RP1: variants seen among roughly 807,000 people sequenced by gnomAD.
The protein encoded by RP1 is oxygen-regulated protein 1.
RP1 carries 16 observed loss-of-function variants against 14.8 expected under a neutral mutation model. That is an observed-to-expected ratio of 1.08 (90% CI 0.73 to 1.65). The LOEUF is 1.65. RP1 is among the 40% of genes most tolerant of loss of function. The pLI is 0.00. For synonymous variants in RP1, 876 were observed against 883.6 expected (o/e 0.99, Z 0.15); for missense variants, 2,631 against 2,535.0 (o/e 1.04, Z -0.81).
chr8:54,591,954 C>T (rs1322499677), intron 1 of RP1, among the ~76,000 whole-genome samples: 1 of 152,192 alleles, frequency 6.6e-6, no homozygotes, highest in Non-Finnish European at 1.5e-5. Flanking sequence ...CACAATGTCC[C>T]TTCTGCCTCA....
chr8:54,687,980 C>T (rs923187359), intron 12 of RP1, among the ~76,000 whole-genome samples: 25 of 152,162 alleles, frequency 1.6e-4, no homozygotes, highest in African/African-American at 6.0e-4. Flanking sequence ...TCTGTTGTTT[C>T]CTGACATTTT....
At chr8:54,582,805 GT>G (rs1804827809) in intron 1 of RP1, among the ~76,000 whole-genome samples, 1 of 152,126 alleles carries the variant, frequency 6.6e-6, no homozygotes, top group Non-Finnish European at 1.5e-5. Context: ...CTCTCTGTCT[GT>G]TATTGGTGTA....
chr8:54,805,730 TG>T (rs1229047694), intron 24 of RP1, among the ~76,000 whole-genome samples: 6 of 151,602 alleles, frequency 4.0e-5, no homozygotes, highest in Admixed American at 2.0e-4. Context: ...TTTTTTTTTT[TG>T]TCATTTTCTG....
At chr8:54,681,525 T>C (rs1049370693) in intron 12 of RP1, among the ~76,000 whole-genome samples, 1 of 146,516 alleles carries the variant, frequency 6.8e-6, no homozygotes, top group Non-Finnish European at 1.5e-5. Flanking sequence ...TGTGTGTGTA[T>C]GTATATATGT....
At chr8:54,581,865 T>G (rs1279608582) in intron 1 of RP1, among the ~76,000 whole-genome samples, 9 of 152,236 alleles carry the variant, frequency 5.9e-5, no homozygotes, top group Admixed American at 5.9e-4. Flanking sequence ...TTTTTTCTTG[T>G]ACATTTGTTT....
chr8:54,697,267 G>A (rs763338381), intron 12 of RP1: 7 of 580,618 alleles, frequency 1.2e-5, no homozygotes, highest in Non-Finnish European at 2.2e-5. Context: ...AAAAAAGACA[G>A]TACCTGGCCG....
downstream of RP1, among the ~76,000 whole-genome samples, chr8:54,633,200 A>C (rs1292701694): frequency 6.6e-6 from 1 of 152,096 alleles, no homozygotes; most frequent in African/African-American, 2.4e-5. Flanking sequence ...TAAATATACT[A>C]TTAGTATATT....
At chr8:54,830,152 A>G (rs978240936) in intron 24 of RP1, among the ~76,000 whole-genome samples, 18 of 152,142 alleles carry the variant, frequency 1.2e-4, no homozygotes, top group African/African-American at 4.1e-4. Flanking sequence ...ATGATTGCGT[A>G]TTAGTCTATC....
At chr8:54,826,425 G>T (rs1439424247) in intron 24 of RP1, among the ~76,000 whole-genome samples, 1 of 152,148 alleles carries the variant, frequency 6.6e-6, no homozygotes, top group Non-Finnish European at 1.5e-5. Context: ...ATGCATAATT[G>T]AAATTGTTAG....
intron 25 of RP1, among the ~76,000 whole-genome samples, chr8:54,842,372 C>T (rs1374359441): frequency 2.0e-5 from 3 of 152,284 alleles, no homozygotes; most frequent in African/African-American, 7.2e-5. Context: ...CCATCGAAAC[C>T]AGCACTCTTT....
intron 1 of RP1, 94 bp from the exon 2 acceptor site, chr8:54,620,861 C>G: frequency 8.4e-7 from 1 of 1,196,028 alleles, no homozygotes; most frequent in South Asian, 1.2e-5. Context: ...CTGTGAATAT[C>G]CTGGATGTCT....
At chr8:54,726,865 TA>T (rs988948227) in intron 17 of RP1, among the ~76,000 whole-genome samples, 22 of 151,044 alleles carry the variant, frequency 1.5e-4, no homozygotes, top group African/African-American at 4.9e-4. Context: ...AACTGAAGCT[TA>T]AAAAAAAGTG....
At chr8:54,604,286 T>C (rs529404010) in intron 1 of RP1, among the ~76,000 whole-genome samples, 3 of 152,228 alleles carry the variant, frequency 2.0e-5, no homozygotes, top group Admixed American at 2.0e-4. Context: ...TCTGCATCTA[T>C]TGAGATAATC....
rs752111262 is a variant in RP1, at chr8:54,625,202, C to T, written c.1320C>T (p.Asp440=). The part of the protein sequence containing the change: ...VDTDIIQGTQ[D]QAKHRFYRPP... Reference sequence around the variant, plus strand: ...CAGATATCATCCAGGGAACTCAAGACCAAGCAAAGCATCGTTTTTATAGGC... The same window carrying T: ...CAGATATCATCCAGGGAACTCAAGATCAAGCAAAGCATCGTTTTTATAGGC... Residue 440 remains aspartate, a synonymous_variant, in exon 4 of 4, where the codon GAC becomes GAT. Coordinates refer to ENST00000220676, the MANE Select transcript of RP1 (RefSeq NM_006269.2). The T allele has an allele frequency of 6.8e-6, 11 of 1,614,082 alleles. No homozygotes were observed. In the South Asian group the frequency reaches 9.9e-5, roughly 15 times the overall value.
chr8:54,817,548 A>G (rs1247881087), intron 24 of RP1, among the ~76,000 whole-genome samples: 1 of 152,180 alleles, frequency 6.6e-6, no homozygotes, highest in East Asian at 1.9e-4. Context: ...GAGTCAGAGT[A>G]ATGGTGGCGA....
intron 12 of RP1, among the ~76,000 whole-genome samples, chr8:54,690,778 G>C (rs543998121): frequency 1.3e-5 from 2 of 152,052 alleles, no homozygotes; most frequent in South Asian, 2.1e-4. Flanking sequence ...TCAGAATCTC[G>C]CAAGAGATCT....
At chr8:54,572,275 C>T (rs2129293496) in intron 1 of RP1, among the ~76,000 whole-genome samples, 1 of 152,368 alleles carries the variant, frequency 6.6e-6, no homozygotes, top group Middle Eastern at 3.4e-3. Flanking sequence ...TGACCGGCAT[C>T]AGGCCCACTT....
chr8:54,607,848 G>A (rs57882104), intron 1 of RP1, among the ~76,000 whole-genome samples: 3,382 of 152,260 alleles, frequency 0.022, 120 homozygotes, highest in African/African-American at 0.073. Flanking sequence ...TGAGCCATGC[G>A]TGGGATATAA....
At chr8:54,757,328 A>T (rs569659880) in intron 21 of RP1, among the ~76,000 whole-genome samples, 2 of 152,368 alleles carry the variant, frequency 1.3e-5, no homozygotes, top group East Asian at 1.9e-4. Context: ...CAAACCTAAA[A>T]TTACTTTAAG....
Sources: allele counts gnomAD v4.1 joint callset (sites outside exome capture counted in the v4.1 genomes callset), GRCh38; gene constraint gnomAD v4.1.1; transcripts MANE v1.5; gene names NCBI Gene and HGNC (gene_info 2026-07-23, HGNC 2026-07-21).